The following DLGAP2 variants were observed in gnomAD, a reference collection of about 807,000 sequenced individuals.
DLGAP2 encodes the protein disks large-associated protein 2.
Under a neutral mutation model 100.3 loss-of-function variants are expected in DLGAP2, and 26 were observed. The observed-to-expected ratio is 0.26, with a 90% CI of 0.19 to 0.36. The LOEUF is 0.36. Ranked by LOEUF, DLGAP2 falls within the 10% of genes least tolerant of loss-of-function variation. The probability of loss-of-function intolerance (pLI) is 1.00; values close to 1 mark genes in which losing one functional copy is unlikely to be tolerated. For missense variants in DLGAP2, 1,858 were observed against 1,453.2 expected (o/e 1.28, Z -4.53); for synonymous variants, 886 against 630.1 (o/e 1.41, Z -6.08).
rs55781731 is a variant in DLGAP2 at position 785,221 on chromosome 8, CAAAAAAAAAAAAAAAAA to C, written c.18+47411_18+47427del. On this transcript the variant is annotated intron_variant, in intron 1 of 14. Transcript: ENST00000637795. ...TGGGCGACAGAGCGAGACTCCGCCT[CAAAAAAAAAAAAAAAAA>C]AAAAAAAAAAAAAAGGCACGTCCTG... Among the ~76,000 whole-genome samples, 31 of 60,816 alleles carry C rather than the reference CAAAAAAAAAAAAAAAAA, an allele frequency of 5.1e-4. 1 individual carries two copies. The highest frequency in any genetic ancestry group is 1.6e-3 in the African/African-American group (19 of 12,090). 39.9% of individuals were successfully genotyped at this position (60,816 alleles called of 152,430 possible). A position where few individuals can be genotyped will look rare whatever the true frequency, so the allele number is the denominator to read the frequency against.
chr8:1,282,900 T>C (rs866046339), intron 3 of DLGAP2, among the ~76,000 whole-genome samples: 5 of 129,238 alleles, frequency 3.9e-5, no homozygotes, highest in South Asian at 2.7e-4. Flanking sequence ...GGACGTGGTG[T>C]GACCTGAACC....
At position 1,701,504 on chromosome 8, in the gene DLGAP2, A is replaced by C; in HGVS notation, c.*98A>C. On this transcript the variant is annotated 3_prime_UTR_variant, in exon 15 of 15. Coordinates refer to ENST00000637795, the MANE Select transcript of DLGAP2 (RefSeq NM_001346810.2). ...TGGTTTCTGTCTCCTCCTCCCGCTG[A>C]ACACGTCCTCGCTCCCGCGCTCCCC... is the stretch of plus-strand genomic sequence containing the variant. 7.8e-7 allele frequency: 1 copy of C among 1,283,266 alleles called. No individual in the cohort carries two copies. The highest frequency in any genetic ancestry group is 1.1e-6 in the Non-Finnish European group (1 of 948,642). 79.5% of individuals were successfully genotyped at this position (1,283,266 alleles called of 1,614,324 possible).
chr8:1,217,276 C>T (rs913400889), intron 2 of DLGAP2, among the ~76,000 whole-genome samples: 1 of 152,186 alleles, frequency 6.6e-6, no homozygotes, highest in Non-Finnish European at 1.5e-5. Flanking sequence ...CATGTTCCTG[C>T]AAAGGATATG....
chr8:1,370,826 A>G (rs1259269848), intron 3 of DLGAP2, among the ~76,000 whole-genome samples: 3 of 152,220 alleles, frequency 2.0e-5, no homozygotes, highest in Non-Finnish European at 4.4e-5. Flanking sequence ...TTCATCATTA[A>G]ATTGGGCATA....
intron 2 of DLGAP2, among the ~76,000 whole-genome samples, chr8:983,476 A>C (rs895130479): frequency 5.3e-5 from 8 of 152,116 alleles, no homozygotes; most frequent in African/African-American, 1.9e-4. Flanking sequence ...CTTAGAATCC[A>C]CGTGTTGGTG....
At chr8:1,058,148 T>C (rs377596166) in intron 2 of DLGAP2, among the ~76,000 whole-genome samples, 22 of 151,884 alleles carry the variant, frequency 1.4e-4, no homozygotes, top group African/African-American at 4.3e-4. Flanking sequence ...TTGGCTGGAT[T>C]GACTAGCGGC....
chr8:1,625,731 T>C (rs985919424), intron 6 of DLGAP2, among the ~76,000 whole-genome samples: 2 of 152,254 alleles, frequency 1.3e-5, no homozygotes, highest in Non-Finnish European at 2.9e-5. Context: ...CTTACAGCAC[T>C]TTTTTAAAAA....
At chr8:1,313,399 C>G (rs183229860) in intron 3 of DLGAP2, among the ~76,000 whole-genome samples, 1 of 152,186 alleles carries the variant, frequency 6.6e-6, no homozygotes, top group East Asian at 1.9e-4. Flanking sequence ...TTCAGAGAAC[C>G]CTCCGGTTGT....
intron 1 of DLGAP2, among the ~76,000 whole-genome samples, chr8:825,989 C>T (rs1020242063): frequency 2.6e-5 from 4 of 151,004 alleles, no homozygotes; most frequent in African/African-American, 9.8e-5. Context: ...TCTTACCCTC[C>T]ACTACCCTGG....
chr8:1,068,260 A>T (rs1803317075), intron 2 of DLGAP2, among the ~76,000 whole-genome samples: 1 of 152,168 alleles, frequency 6.6e-6, no homozygotes, highest in Admixed American at 6.5e-5. Context: ...GCTGCCATAA[A>T]CATCTGTGTG....
chr8:1,495,476 G>A (rs999564001), intron 3 of DLGAP2, among the ~76,000 whole-genome samples: 5 of 152,226 alleles, frequency 3.3e-5, no homozygotes, highest in South Asian at 2.1e-4. Flanking sequence ...CAAGAGTGGC[G>A]CTGCTGAGGG....
intron 3 of DLGAP2, among the ~76,000 whole-genome samples, chr8:1,492,440 G>A (rs1799414789): frequency 6.6e-6 from 1 of 152,204 alleles, no homozygotes; most frequent in African/African-American, 2.4e-5. Flanking sequence ...CTAGAAATGG[G>A]GCAAGCTCAG....
intron 1 of DLGAP2, among the ~76,000 whole-genome samples, chr8:791,830 C>T (rs540962233): frequency 2.0e-5 from 3 of 152,324 alleles, no homozygotes; most frequent in Admixed American, 1.3e-4. Context: ...AGCTCACGCA[C>T]GCTCGCTCTC....
rs1050086057 is a variant in DLGAP2, at chr8:1,372,258, C to G, written c.106+113375C>G. Reference sequence around the variant, plus strand: ...GGTGCCAACGCTGGGACGCTGGTCACCGTGCTGCCAACGCTGGGACGCTGG... The same window carrying G: ...GGTGCCAACGCTGGGACGCTGGTCAGCGTGCTGCCAACGCTGGGACGCTGG... On this transcript the variant is annotated intron_variant, in intron 3 of 14. Coordinates refer to ENST00000637795, the MANE Select transcript of DLGAP2 (RefSeq NM_001346810.2). Among the ~76,000 whole-genome samples, 76 of 151,928 alleles carry G rather than the reference C, an allele frequency of 5.0e-4. 1 individual carries two copies. Among genetic ancestry groups the G allele is most frequent in the African/African-American group, 1.8e-3 (74 of 41,448 alleles).
intron 14 of DLGAP2, 138 bp from the exon 15 acceptor site, chr8:1,701,050 C>G: frequency 1.3e-6 from 1 of 752,804 alleles, no homozygotes; most frequent in Admixed American, 3.0e-5. Context: ...CCAGGGCAGA[C>G]GGGGGACGGG....
chr8:1,691,506 T>G (rs1563065902), intron 12 of DLGAP2, 29 bp from the exon 13 acceptor site: 4 of 1,594,742 alleles, frequency 2.5e-6, no homozygotes, highest in Non-Finnish European at 3.4e-6. Flanking sequence ...AAGTTGTTGT[T>G]TTTTTGTTTT....
intron 2 of DLGAP2, among the ~76,000 whole-genome samples, chr8:1,052,637 C>T (rs756882246): frequency 3.2e-4 from 49 of 152,132 alleles, no homozygotes; most frequent in Non-Finnish European, 6.9e-4. Flanking sequence ...TCTGTAGGAA[C>T]AAACCCCATA....
chr8:1,572,168 T>C (rs1437415147), intron 6 of DLGAP2, among the ~76,000 whole-genome samples: 3 of 75,612 alleles, frequency 4.0e-5, no homozygotes, highest in East Asian at 9.0e-4. Context: ...GGGTGAACTG[T>C]GGGGGTGTCT....
At chr8:1,416,803 G>T (rs1223315679) in intron 3 of DLGAP2, among the ~76,000 whole-genome samples, 1 of 152,190 alleles carries the variant, frequency 6.6e-6, no homozygotes, top group African/African-American at 2.4e-5. Flanking sequence ...GCGAGCACCC[G>T]TGCCGGCCTC....
Sources: gnomAD v4.1 joint callset for allele counts (sites outside exome capture counted in the v4.1 genomes callset) on GRCh38, gnomAD v4.1.1 for gene constraint, MANE v1.5 for transcripts, NCBI Gene and HGNC (gene_info 2026-07-23, HGNC 2026-07-21) for gene names.